Variants in OTUD7A observed in about 807,000 individuals in gnomAD.
The protein encoded by OTUD7A is OTU domain-containing protein 7A.
In OTUD7A, 12 loss-of-function variants were observed where a neutral mutation model predicts 65.7. The ratio of observed to expected loss-of-function variants is 0.18; its 90% CI spans 0.12 to 0.30. OTUD7A has a LOEUF of 0.30. Ranked by LOEUF, OTUD7A falls within the 10% of genes least tolerant of loss-of-function variation. The pLI, the probability that OTUD7A is intolerant of heterozygous loss-of-function variation, is 1.00. For synonymous variants in OTUD7A, 641 were observed against 586.3 expected, an observed-to-expected ratio of 1.09 and a Z score of -1.35; for missense variants, 1,148 against 1,304.8, an observed-to-expected ratio of 0.88 and a Z score of 1.85.
At chr15:31,676,083 T>G (rs1187467071) in intron 1 of OTUD7A, among the ~76,000 whole-genome samples, 2 of 152,158 alleles carry the variant, frequency 1.3e-5, no homozygotes, top group Non-Finnish European at 2.9e-5. Context: ...ATGTTTGTTC[T>G]CCCACACTTC....
intron 5 of OTUD7A, among the ~76,000 whole-genome samples, chr15:31,551,212 C>T (rs996753636): frequency 6.6e-6 from 1 of 152,186 alleles, no homozygotes; most frequent in African/African-American, 2.4e-5. Context: ...TCCGGAGACC[C>T]CATCATGGCC....
chr15:31,613,568 C>A lies in OTUD7A; in HGVS notation c.151+41528G>T, dbSNP rs563827451. Among the ~76,000 whole-genome samples the A allele has an allele frequency of 1.4e-3, 206 of 152,196 alleles. 1 individual carries two copies. The highest frequency in any genetic ancestry group is 2.4e-3 in the Non-Finnish European group (163 of 68,006). On this transcript the variant is annotated intron_variant, in intron 3 of 12. Transcript: ENST00000307050. ...AAAAATGCTCTACATCATTAATGAT[C>A]AGGGAAATGGAAATCAAAACCACAA...
intron 3 of OTUD7A, among the ~76,000 whole-genome samples, chr15:31,603,570 C>T (rs1327817075): frequency 6.6e-6 from 1 of 152,164 alleles, no homozygotes; most frequent in East Asian, 1.9e-4. Context: ...AAAGTAATGG[C>T]AACAAAAGCC....
chr15:31,551,620 A>C lies in OTUD7A; in HGVS notation c.550+7349T>G, dbSNP rs192056783. Among the ~76,000 whole-genome samples, 12 of 152,326 alleles carry C rather than the reference A, an allele frequency of 7.9e-5. No individual in the cohort carries two copies. The East Asian group carries it at 2.1e-3, about 27-fold the overall frequency. ...TGGTTACCACACACTTTAAAATAAG[A>C]TGTCTTTTTGCTCATCACCCCACGA... On this transcript the variant is annotated intron_variant, in intron 5 of 12. Transcript: ENST00000307050.
At chr15:31,539,762 G>C (rs1241416097) in intron 5 of OTUD7A, among the ~76,000 whole-genome samples, 1 of 152,202 alleles carries the variant, frequency 6.6e-6, no homozygotes, top group Non-Finnish European at 1.5e-5. Context: ...CAGAAAAAGT[G>C]TATGTACTTC....
chr15:31,713,618 C>CA (rs1204550145), intron 1 of OTUD7A, among the ~76,000 whole-genome samples: 1 of 150,928 alleles, frequency 6.6e-6, no homozygotes, highest in African/African-American at 2.4e-5. Context: ...GACTCTGTCT[C>CA]AATAACGACA....
chr15:31,700,339 T>G (rs566746299), intron 1 of OTUD7A, among the ~76,000 whole-genome samples: 8 of 152,202 alleles, frequency 5.3e-5, no homozygotes, highest in Non-Finnish European at 1.2e-4. Context: ...TGTTCTCTTT[T>G]CCACCCTTTG....
chr15:31,703,251 A>G (rs936538487), intron 1 of OTUD7A, among the ~76,000 whole-genome samples: 1 of 152,212 alleles, frequency 6.6e-6, no homozygotes, highest in African/African-American at 2.4e-5. Context: ...AAAAGTAAAA[A>G]TTGATAAACT....
intron 3 of OTUD7A, among the ~76,000 whole-genome samples, chr15:31,646,054 C>G (rs183527516): frequency 6.6e-6 from 1 of 152,338 alleles, no homozygotes; most frequent in East Asian, 1.9e-4. Context: ...TCAGTTCGCA[C>G]AGCCAATTTT....
chr15:31,730,038 C>G (rs549576677), intron 1 of OTUD7A, among the ~76,000 whole-genome samples: 13 of 152,126 alleles, frequency 8.5e-5, no homozygotes, highest in Non-Finnish European at 1.6e-4. Flanking sequence ...GGAGGTGAGG[C>G]CTTTGGCAGG....
chr15:31,498,154 G>A lies in OTUD7A; in HGVS notation c.1171+3536C>T, dbSNP rs2041415264. On this transcript the variant is annotated intron_variant, in intron 10 of 12. Coordinates refer to ENST00000307050, the MANE Select transcript of OTUD7A (RefSeq NM_001382637.1). The surrounding 1 kb of genome is among the most constrained non-coding windows in gnomAD (Gnocchi z 4.2). ...CAAGAGTTAGCTGCCATTTTGGACTGTAGAGCCTCCTGGGGTATTTGAGGG... is the reference window on the plus strand; with the variant it reads ...CAAGAGTTAGCTGCCATTTTGGACTATAGAGCCTCCTGGGGTATTTGAGGG... 6.6e-6 allele frequency among the ~76,000 whole-genome samples: 1 copy of A among 152,206 alleles called. No individual in the cohort carries two copies.
chr15:31,854,084 A>G (rs1032564068), intron 1 of OTUD7A, among the ~76,000 whole-genome samples: 2 of 152,240 alleles, frequency 1.3e-5, no homozygotes, highest in African/African-American at 2.4e-5. Flanking sequence ...ATAGTTTTGA[A>G]AGTCGGAAAT....
At chr15:31,527,143 C>T (rs1432110666) in intron 7 of OTUD7A, 38 bp downstream of exon 7, 14 of 1,612,660 alleles carry the variant, frequency 8.7e-6, no homozygotes, top group Non-Finnish European at 1.1e-5. Flanking sequence ...TGCATCTGGC[C>T]TGGGTCCCGG....
intron 1 of OTUD7A, among the ~76,000 whole-genome samples, chr15:31,709,076 CAG>C (rs1893372028): frequency 6.6e-6 from 1 of 151,588 alleles, no homozygotes; most frequent in Admixed American, 6.5e-5. Flanking sequence ...ACCTGCAGGA[CAG>C]AGAGGGAGAG....
intron 1 of OTUD7A, among the ~76,000 whole-genome samples, chr15:31,829,247 C>G (rs1370057361): frequency 2.0e-5 from 3 of 152,216 alleles, no homozygotes; most frequent in African/African-American, 7.2e-5. Flanking sequence ...TGCTTAGGCA[C>G]TGTATTATTT....
intron 1 of OTUD7A, among the ~76,000 whole-genome samples, chr15:31,764,687 T>C (rs531842770): frequency 2.0e-5 from 3 of 152,152 alleles, no homozygotes; most frequent in Non-Finnish European, 4.4e-5. Context: ...GTTGGATGAA[T>C]ATTGGAATCA....
chr15:31,692,115 CA>C (rs1215469226), intron 1 of OTUD7A, among the ~76,000 whole-genome samples: 60 of 39,002 alleles, frequency 1.5e-3, no homozygotes, highest in African/African-American at 2.6e-3. Flanking sequence ...AAATTAGTAC[CA>C]TCATTATGGA....
At chr15:31,531,579 A>G (rs1247320488) in intron 5 of OTUD7A, among the ~76,000 whole-genome samples, 1 of 151,996 alleles carries the variant, frequency 6.6e-6, no homozygotes, top group East Asian at 1.9e-4. Flanking sequence ...TAGACAGAAT[A>G]CCAGGAAAGG....
At chr15:31,732,991 C>T (rs1894088288) in intron 1 of OTUD7A, among the ~76,000 whole-genome samples, 1 of 152,198 alleles carries the variant, frequency 6.6e-6, no homozygotes, top group Non-Finnish European at 1.5e-5. Context: ...CTCCTTCACA[C>T]AGCAGACAAA....
Sources: allele counts gnomAD v4.1 joint callset (sites outside exome capture counted in the v4.1 genomes callset), GRCh38; gene constraint gnomAD v4.1.1; non-coding constraint Gnocchi (gnomAD v3.1); transcripts MANE v1.5; gene names NCBI Gene and HGNC (gene_info 2026-07-23, HGNC 2026-07-21).